Variants in TENM3 observed in about 807,000 individuals in gnomAD.
TENM3 encodes teneurin transmembrane protein 3.
TENM3 carries 63 observed loss-of-function variants against 255.1 expected under a neutral mutation model. The observed-to-expected ratio is 0.25, with a 90% CI of 0.20 to 0.30. The LOEUF (loss-of-function observed/expected upper bound fraction) is 0.30. Among genes scored for constraint, TENM3 ranks in the 10% least tolerant of loss-of-function variants. The pLI is 1.00. For missense variants in TENM3, 2,929 were observed against 3,461.1 expected (o/e 0.85, Z 3.86); for synonymous variants, 1,306 against 1,322.3 (o/e 0.99, Z 0.27).
At chr4:181,703,055 A>G in the TENM3 span, among the ~76,000 whole-genome samples, 1 of 152,204 alleles carries the variant, frequency 6.6e-6, no homozygotes, top group African/African-American at 2.4e-5. Flanking sequence ...GAGGAAGTAC[A>G]GGGGCAGAGG....
At chr4:181,930,229 C>A in the TENM3 span, among the ~76,000 whole-genome samples, 1 of 152,064 alleles carries the variant, frequency 6.6e-6, no homozygotes, top group East Asian at 1.9e-4. Flanking sequence ...AATCCAGGAG[C>A]TGGTTTTTTG....
At chr4:181,483,948 A>G in the TENM3 span, among the ~76,000 whole-genome samples, 9 of 152,314 alleles carry the variant, frequency 5.9e-5, no homozygotes, top group African/African-American at 2.2e-4. Flanking sequence ...TGCATAGAAT[A>G]CATATTTAAA....
chr4:181,590,641 G>C, the TENM3 span, among the ~76,000 whole-genome samples: 1 of 152,166 alleles, frequency 6.6e-6, no homozygotes, highest in Non-Finnish European at 1.5e-5. Flanking sequence ...CAGTGAAGAA[G>C]ACACAGAAAA....
At chr4:182,074,422 A>G in the TENM3 span, among the ~76,000 whole-genome samples, 1 of 152,144 alleles carries the variant, frequency 6.6e-6, no homozygotes, top group East Asian at 1.9e-4. Flanking sequence ...ACGCATTGAA[A>G]CCTATTTTTA....
chr4:181,994,956 G>A, the TENM3 span, among the ~76,000 whole-genome samples: 5 of 152,134 alleles, frequency 3.3e-5, no homozygotes, highest in Admixed American at 6.5e-5. Context: ...CATTGGAATT[G>A]AACTACACTT....
chr4:182,284,951 A>G (rs1036366460), intron 1 of TENM3, among the ~76,000 whole-genome samples: 1 of 152,102 alleles, frequency 6.6e-6, no homozygotes, highest in African/African-American at 2.4e-5. Context: ...TCTGTTTGAT[A>G]CCTTTTTGGG....
At chr4:182,188,473 C>G (rs1286016477) in intron 1 of TENM3, among the ~76,000 whole-genome samples, 1 of 152,144 alleles carries the variant, frequency 6.6e-6, no homozygotes, top group African/African-American at 2.4e-5. Flanking sequence ...AGGTGTCTAA[C>G]CTACCGTAGA....
the TENM3 span, among the ~76,000 whole-genome samples, chr4:181,599,760 C>A: frequency 2.8e-4 from 43 of 152,098 alleles, no homozygotes; most frequent in Non-Finnish European, 4.7e-4. Flanking sequence ...ATTATTTGAC[C>A]ATTTGTGCAC....
At chr4:182,350,733 G>A (rs1330731923) in intron 3 of TENM3, among the ~76,000 whole-genome samples, 1 of 152,190 alleles carries the variant, frequency 6.6e-6, no homozygotes, top group African/African-American at 2.4e-5. Flanking sequence ...CGCCCAGGCT[G>A]GAGTGCAGTG....
the TENM3 span, among the ~76,000 whole-genome samples, chr4:181,797,765 T>G: frequency 2.0e-5 from 3 of 152,246 alleles, no homozygotes; most frequent in Non-Finnish European, 4.4e-5. Context: ...GTTCTGTTAT[T>G]GCCATGCATG....
intron 2 of TENM3, among the ~76,000 whole-genome samples, chr4:182,334,260 A>G (rs911452659): frequency 2.0e-5 from 3 of 152,210 alleles, no homozygotes; most frequent in Non-Finnish European, 4.4e-5. Context: ...GAGGGTACCT[A>G]TAAAATATTA....
Position 182,328,042 on chromosome 4 carries a change from T to G in TENM3, c.232+3790T>G, listed in dbSNP as rs528274887. On this transcript the variant is annotated intron_variant, in intron 2 of 27. Coordinates refer to ENST00000511685, the MANE Select transcript of TENM3 (RefSeq NM_001080477.4). Reference sequence around the variant, plus strand: ...CGATGTCTGGAAGTAAGAATACATTTGTTCCACTGAATCATAAGCCTGAAA... The same window carrying G: ...CGATGTCTGGAAGTAAGAATACATTGGTTCCACTGAATCATAAGCCTGAAA... Among the ~76,000 whole-genome samples the G allele has an allele frequency of 2.6e-5, 4 of 152,316 alleles. No individual in the cohort carries two copies. In the South Asian group the frequency reaches 8.3e-4, roughly 32 times the overall value.
intron 12 of TENM3, among the ~76,000 whole-genome samples, chr4:182,710,158 A>C (rs1258440106): frequency 1.3e-5 from 2 of 152,222 alleles, no homozygotes; most frequent in Admixed American, 6.5e-5. Context: ...ACTCTCTAAC[A>C]GTGATCAGCG....
At chr4:182,361,961 T>C (rs1242587663) in intron 3 of TENM3, among the ~76,000 whole-genome samples, 1 of 152,220 alleles carries the variant, frequency 6.6e-6, no homozygotes, top group East Asian at 1.9e-4. Context: ...TGCAGGTCTG[T>C]TGGAGTTTGC....
At chr4:181,586,955 T>A in the TENM3 span, among the ~76,000 whole-genome samples, 4 of 152,186 alleles carry the variant, frequency 2.6e-5, no homozygotes, top group African/African-American at 7.2e-5. Context: ...CTGTTATTGG[T>A]CAATAACACG....
At chr4:181,801,603 A>G in the TENM3 span, among the ~76,000 whole-genome samples, 3 of 142,618 alleles carry the variant, frequency 2.1e-5, no homozygotes, top group Admixed American at 1.4e-4. Flanking sequence ...AGGCTGGCTC[A>G]TGGCTTGCTT....
the TENM3 span, among the ~76,000 whole-genome samples, chr4:181,962,618 A>G: frequency 6.6e-6 from 1 of 152,230 alleles, no homozygotes; most frequent in Non-Finnish European, 1.5e-5. Context: ...ACATGTGATA[A>G]AACAACCAGT....
the TENM3 span, among the ~76,000 whole-genome samples, chr4:181,837,644 A>G: frequency 6.6e-6 from 1 of 152,178 alleles, no homozygotes; most frequent in African/African-American, 2.4e-5. Flanking sequence ...TGATGGACAA[A>G]CCACCTTGAT....
the TENM3 span, among the ~76,000 whole-genome samples, chr4:181,533,025 G>A: frequency 2.6e-5 from 4 of 152,048 alleles, no homozygotes; most frequent in South Asian, 4.1e-4. Flanking sequence ...TTTTACAAAC[G>A]TGAAGACATG....
Sources: allele counts gnomAD v4.1 joint callset (sites outside exome capture counted in the v4.1 genomes callset), GRCh38; gene constraint gnomAD v4.1.1; transcripts MANE v1.5; gene names NCBI Gene and HGNC (gene_info 2026-07-23, HGNC 2026-07-21).